Variants in NEGR1 observed in about 807,000 individuals in gnomAD.
NEGR1 encodes neuronal growth regulator 1, also known as IgLON family member 4.
NEGR1 carries 10 observed loss-of-function variants against 40.9 expected under a neutral mutation model. That is an observed-to-expected ratio of 0.24 (90% CI 0.15 to 0.42). The LOEUF (loss-of-function observed/expected upper bound fraction) is 0.42. Ranked by LOEUF, NEGR1 falls within the 10% of genes least tolerant of loss-of-function variation. NEGR1 has a pLI of 1.00. For synonymous variants in NEGR1, 185 were observed against 166.8 expected (o/e 1.11, Z -0.84); for missense variants, 352 against 438.9 (o/e 0.80, Z 1.77).
chr1:72,115,866 G>T (rs1649561756), intron 1 of NEGR1, among the ~76,000 whole-genome samples: 1 of 151,700 alleles, frequency 6.6e-6, no homozygotes, highest in Non-Finnish European at 1.5e-5. Context: ...GGGTGCCAAA[G>T]CACTTCTGAT....
At chr1:72,035,882 A>T (rs567240519) in intron 1 of NEGR1, among the ~76,000 whole-genome samples, 26 of 152,300 alleles carry the variant, frequency 1.7e-4, no homozygotes, top group African/African-American at 5.5e-4. Context: ...GGCTCTTGAG[A>T]AGGTAGAATT....
chr1:71,486,187 C>T (rs1646886345), intron 6 of NEGR1, among the ~76,000 whole-genome samples: 2 of 151,586 alleles, frequency 1.3e-5, no homozygotes, highest in Non-Finnish European at 3.0e-5. Flanking sequence ...AGTTGAATTT[C>T]CCTGATGCCA....
At position 71,999,632 on chromosome 1, in the gene NEGR1, AATATATATAT is replaced by A. The variant is rs528857972; in HGVS notation, c.177-64331_177-64322del. Among the ~76,000 whole-genome samples, 66 of 48,364 alleles carry A rather than the reference AATATATATAT, an allele frequency of 1.4e-3. 3 individuals carry two copies. Among genetic ancestry groups the A allele is most frequent in the Admixed American group, 2.8e-3 (9 of 3,186 alleles). The allele number at this position is 48,364 out of a possible 152,430, so 31.7% of individuals were successfully genotyped here. On this transcript the variant is annotated intron_variant, in intron 1 of 6. Coordinates refer to ENST00000357731, the MANE Select transcript of NEGR1 (RefSeq NM_173808.3). ...ATGTATTTGCATCTTGAGCAAAGCA[AATATATATAT>A]ATATATATATATATATATATATATA...
At chr1:72,073,834 G>GAAAGAAAA (rs1395357837) in intron 1 of NEGR1, among the ~76,000 whole-genome samples, 2 of 151,554 alleles carry the variant, frequency 1.3e-5, no homozygotes, top group Non-Finnish European at 2.9e-5. Flanking sequence ...AGAGACATAA[G>GAAAGAAAA]AAAGAAAAAT....
chr1:72,003,436 G>A (rs373656146), intron 1 of NEGR1, among the ~76,000 whole-genome samples: 42 of 152,112 alleles, frequency 2.8e-4, no homozygotes, highest in South Asian at 2.1e-3. Flanking sequence ...GAAAATATTG[G>A]TGGAAAAGGA....
chr1:71,457,854 A>T (rs1646684871), intron 6 of NEGR1, among the ~76,000 whole-genome samples: 1 of 151,996 alleles, frequency 6.6e-6, no homozygotes, highest in Middle Eastern at 3.2e-3. Flanking sequence ...GGCACCCGCC[A>T]CCACGCCCAG....
At chr1:72,048,432 G>T (rs1208945155) in intron 1 of NEGR1, among the ~76,000 whole-genome samples, 3 of 151,450 alleles carry the variant, frequency 2.0e-5, no homozygotes, top group East Asian at 2.0e-4. Context: ...TTTCTATCTT[G>T]TTCTTTAAAC....
intron 1 of NEGR1, among the ~76,000 whole-genome samples, chr1:72,223,954 T>C (rs1387081567): frequency 6.6e-6 from 1 of 152,152 alleles, no homozygotes; most frequent in Non-Finnish European, 1.5e-5. Context: ...CCACTGCACT[T>C]TTCTGACTAA....
intron 2 of NEGR1, among the ~76,000 whole-genome samples, chr1:71,807,526 T>C (rs889287364): frequency 1.3e-5 from 2 of 152,188 alleles, no homozygotes. Flanking sequence ...ATTTAATGAA[T>C]TCCTCTTGAA....
intron 1 of NEGR1, among the ~76,000 whole-genome samples, chr1:72,185,352 C>CATA (rs1343720019): frequency 6.6e-6 from 1 of 151,824 alleles, no homozygotes; most frequent in East Asian, 1.9e-4. Context: ...GAAGACTGTG[C>CATA]ATAATAGTTC....
intron 6 of NEGR1, among the ~76,000 whole-genome samples, chr1:71,412,028 T>C (rs907850399): frequency 6.6e-6 from 1 of 151,848 alleles, no homozygotes; most frequent in Non-Finnish European, 1.5e-5. Context: ...CTATCCTAGC[T>C]CACCTTCAAG....
chr1:71,560,527 T>A (rs150336437), intron 6 of NEGR1, among the ~76,000 whole-genome samples: 1 of 149,580 alleles, frequency 6.7e-6, no homozygotes, highest in Admixed American at 6.7e-5. Context: ...ACTAGAACTC[T>A]GAGATGCAGA....
chr1:72,154,201 G>C (rs185135189), intron 1 of NEGR1, among the ~76,000 whole-genome samples: 1 of 151,734 alleles, frequency 6.6e-6, no homozygotes, highest in Non-Finnish European at 1.5e-5. Context: ...GCAATGAAGA[G>C]GGAGACAATT....
rs114186088 is a variant in NEGR1 at position 71,473,571 on chromosome 1, C to G, written c.941-66001G>C. Among the ~76,000 whole-genome samples the G allele has an allele frequency of 9.3e-3, 1,410 of 152,190 alleles. 22 individuals carry two copies. The highest frequency in any genetic ancestry group is 0.032 in the African/African-American group (1,344 of 41,544). On this transcript the variant is annotated intron_variant, in intron 6 of 6. Coordinates refer to ENST00000357731, the MANE Select transcript of NEGR1 (RefSeq NM_173808.3). ...TACTTCCTTATAACCATGCCAAAGACCTTCAACAGACCTCTATGCAGTATA... is the reference window on the plus strand; with the variant it reads ...TACTTCCTTATAACCATGCCAAAGAGCTTCAACAGACCTCTATGCAGTATA...
intron 4 of NEGR1, among the ~76,000 whole-genome samples, chr1:71,688,844 A>ATGTATTATGACAAAGCTCACAACCAATCT (rs1653155464): frequency 6.6e-6 from 1 of 152,176 alleles, no homozygotes; most frequent in Non-Finnish European, 1.5e-5. Context: ...GTTGTTTTAA[A>ATGTATTATGACAAAGCTCACAACCAATCT]TGTATTATGA....
chr1:72,138,553 C>T (rs1392710487), intron 1 of NEGR1, among the ~76,000 whole-genome samples: 1 of 151,602 alleles, frequency 6.6e-6, no homozygotes, highest in Admixed American at 6.6e-5. Context: ...GAATACTAAT[C>T]AAAAGAAAGT....
chr1:71,517,575 T>C (rs1647127249), intron 6 of NEGR1, among the ~76,000 whole-genome samples: 1 of 145,648 alleles, frequency 6.9e-6, no homozygotes, highest in Admixed American at 6.8e-5. Context: ...TGGGATGTAT[T>C]TCAAAATAAT....
chr1:71,802,279 A>G (rs1421208966), intron 2 of NEGR1, among the ~76,000 whole-genome samples: 2 of 152,222 alleles, frequency 1.3e-5, no homozygotes, highest in African/African-American at 4.8e-5. Context: ...AAAAAATGAG[A>G]AAGTATGTTC....
intron 1 of NEGR1, among the ~76,000 whole-genome samples, chr1:71,961,726 T>C (rs1032329185): frequency 4.6e-5 from 7 of 152,104 alleles, no homozygotes; most frequent in African/African-American, 1.7e-4. Flanking sequence ...CAATCTTTCA[T>C]CTTATACCTC....
Sources: gnomAD v4.1 joint callset for allele counts (sites outside exome capture counted in the v4.1 genomes callset) on GRCh38, gnomAD v4.1.1 for gene constraint, MANE v1.5 for transcripts, NCBI Gene and HGNC (gene_info 2026-07-23, HGNC 2026-07-21) for gene names.